Variants in MGAT5 observed in about 807,000 individuals in gnomAD.
The protein encoded by MGAT5 is alpha-1,6-mannosylglycoprotein 6-beta-N-acetylglucosaminyltransferase, also known as alpha-1,6-mannosylglycoprotein 6-beta-N-acetylglucosaminyltransferase A.
Under a neutral mutation model 94.3 loss-of-function variants are expected in MGAT5, and 30 were observed. That is an observed-to-expected ratio of 0.32 (90% CI 0.24 to 0.43). The LOEUF (loss-of-function observed/expected upper bound fraction) is 0.43, where lower values mean the gene tolerates loss of function less well. Among genes scored for constraint, MGAT5 ranks in the 20% least tolerant of loss-of-function variants. MGAT5 has a pLI of 1.00. For missense variants in MGAT5, 691 were observed against 905.5 expected, an observed-to-expected ratio of 0.76 and a Z score of 3.04; for synonymous variants, 310 against 322.9, an observed-to-expected ratio of 0.96 and a Z score of 0.43.
intron 2 of MGAT5, among the ~76,000 whole-genome samples, chr2:134,314,125 C>G (rs184260483): frequency 6.6e-6 from 1 of 152,174 alleles, no homozygotes; most frequent in Admixed American, 6.5e-5. Context: ...TATTCCCGGT[C>G]AGGTTTGGGA....
intron 10 of MGAT5, among the ~76,000 whole-genome samples, chr2:134,397,556 C>T (rs1212848929): frequency 6.6e-6 from 1 of 152,142 alleles, no homozygotes; most frequent in Admixed American, 6.5e-5. Context: ...TTGCCATCAA[C>T]CTTGGTTCAC....
At chr2:134,233,962 G>A (rs2105408519) in intron 1 of MGAT5, among the ~76,000 whole-genome samples, 1 of 152,310 alleles carries the variant, frequency 6.6e-6, no homozygotes, top group African/African-American at 2.4e-5. Context: ...GATTGCAAAG[G>A]CCAACTTCTT....
intron 1 of MGAT5, among the ~76,000 whole-genome samples, chr2:134,267,884 C>G (rs1683814408): frequency 6.6e-6 from 1 of 152,222 alleles, no homozygotes; most frequent in South Asian, 2.1e-4. Context: ...CATTTCCTAT[C>G]CTGTAACCTC....
Position 134,403,006 on chromosome 2 carries a change from G to A in MGAT5, c.1399G>A (p.Asp467Asn). The change falls in exon 11 of 16, where the codon GAC (aspartate) becomes AAC (asparagine). Residue 467 changes from aspartate (D) to asparagine (N), a missense_variant. Coordinates refer to ENST00000281923, the MANE Select transcript of MGAT5 (RefSeq NM_002410.5). Reference sequence around the variant, plus strand: ...TCTTTAGAATAAGAAGATCTACTTGGACATTATTCACACATACATGGAAGT... The same window carrying A: ...TCTTTAGAATAAGAAGATCTACTTGAACATTATTCACACATACATGGAAGT... ...SFWKNKKIYLDIIHTYMEVHA... is the reference protein window; with the variant it reads ...SFWKNKKIYLNIIHTYMEVHA... 6.3e-7 allele frequency: 1 copy of A among 1,596,338 alleles called. No individual in the cohort carries two copies. Among genetic ancestry groups the A allele is most frequent in the Non-Finnish European group, 8.5e-7 (1 of 1,175,334 alleles).
rs939445716 is a variant in MGAT5, at chr2:134,397,903, C to T, written c.1381-5085C>T. Among the ~76,000 whole-genome samples the T allele has an allele frequency of 6.6e-5, 10 of 152,174 alleles. No individual in the cohort carries two copies. In the East Asian group the frequency reaches 1.3e-3, roughly 20 times the overall value. On this transcript the variant is annotated intron_variant, in intron 10 of 15. Coordinates refer to ENST00000281923, the MANE Select transcript of MGAT5 (RefSeq NM_002410.5). ...CCAACCCCAACCTTTATAGGAGTTA[C>T]GTTACAGTAACAGTAAAGTACTCCC...
Position 134,453,349 on chromosome 2 carries a change from T to C in MGAT5, c.*4502T>C, listed in dbSNP as rs1400803144. On this transcript the variant is annotated 3_prime_UTR_variant, in exon 16 of 16. Coordinates refer to ENST00000281923, the MANE Select transcript of MGAT5 (RefSeq NM_002410.5). ...AACAAGGCTGCAAGAATTTATGAACTCCAGCTGGAAAAGGTAAAGGTGACC... is the reference window on the plus strand; with the variant it reads ...AACAAGGCTGCAAGAATTTATGAACCCCAGCTGGAAAAGGTAAAGGTGACC... 6.6e-6 allele frequency: 1 copy of C among 152,002 alleles called. No homozygotes were observed. The highest frequency in any genetic ancestry group is 1.5e-5 in the Non-Finnish European group (1 of 68,044). The allele number at this position is 152,002 out of a possible 1,614,324, so 9.4% of individuals were successfully genotyped here.
chr2:134,198,130 A>G (rs1167334487), intron 1 of MGAT5, among the ~76,000 whole-genome samples: 1 of 152,244 alleles, frequency 6.6e-6, no homozygotes, highest in African/African-American at 2.4e-5. Context: ...AAGCCTGTAT[A>G]GCCAAGAAGG....
chr2:134,269,502 C>T (rs1309889238), intron 1 of MGAT5, among the ~76,000 whole-genome samples: 2 of 152,164 alleles, frequency 1.3e-5, no homozygotes, highest in Non-Finnish European at 2.9e-5. Flanking sequence ...ATGCAGTCAC[C>T]CATCTGCTTT....
At chr2:134,247,369 AAAAAAC>A (rs1489480693) in intron 1 of MGAT5, among the ~76,000 whole-genome samples, 6 of 148,556 alleles carry the variant, frequency 4.0e-5, no homozygotes, top group Non-Finnish European at 7.4e-5. Context: ...TAAAAAAAAA[AAAAAAC>A]AAAAAAAAAA....
chr2:134,341,169 AT>A (rs913011888), intron 6 of MGAT5, among the ~76,000 whole-genome samples: 3 of 152,140 alleles, frequency 2.0e-5, no homozygotes, highest in African/African-American at 7.2e-5. Flanking sequence ...CTACACAGTA[AT>A]TACTTTGGCA....
At chr2:134,381,267 A>G (rs1242048978) in intron 10 of MGAT5, among the ~76,000 whole-genome samples, 1 of 151,924 alleles carries the variant, frequency 6.6e-6, no homozygotes, top group Non-Finnish European at 1.5e-5. Flanking sequence ...GTAGTTAGCC[A>G]TCATCATGTT....
chr2:134,227,924 C>G (rs935366667), intron 1 of MGAT5, among the ~76,000 whole-genome samples: 1 of 152,156 alleles, frequency 6.6e-6, no homozygotes, highest in Non-Finnish European at 1.5e-5. Context: ...AGGCTTTTCA[C>G]TCACCTGCCA....
chr2:134,317,470 T>TGTTA, intron 2 of MGAT5, 59 bp from the exon 3 acceptor site: 1 of 1,288,482 alleles, frequency 7.8e-7, no homozygotes, highest in Non-Finnish European at 1.1e-6. Context: ...CTTACAAGAA[T>TGTTA]GTTAGGCTTG....
At chr2:134,420,343 A>G (rs535532175) in intron 12 of MGAT5, among the ~76,000 whole-genome samples, 1 of 152,326 alleles carries the variant, frequency 6.6e-6, no homozygotes, top group African/African-American at 2.4e-5. Flanking sequence ...GTGGGCCTGC[A>G]GAGAGTCTGT....
At chr2:134,169,318 T>C (rs887453837) in intron 1 of MGAT5, among the ~76,000 whole-genome samples, 1 of 151,700 alleles carries the variant, frequency 6.6e-6, no homozygotes, top group South Asian at 2.1e-4. Flanking sequence ...GGCAGGAGGC[T>C]CACTTGAGCT....
Position 134,341,776 on chromosome 2 carries a change from T to G in MGAT5, c.977+17T>G, listed in dbSNP as rs772086647. 1.4e-5 allele frequency: 22 copies of G among 1,581,264 alleles called. No homozygotes were observed. The highest frequency in any genetic ancestry group is 1.9e-5 in the Non-Finnish European group (22 of 1,167,786). On this transcript the variant is annotated intron_variant, in intron 7 of 15. Coordinates refer to ENST00000281923, the MANE Select transcript of MGAT5 (RefSeq NM_002410.5). ...GCTCAAGGAGTAAGGAGATTACTTTTCAATTTTAAAATCAGAATACAAAAA... is the reference window on the plus strand; with the variant it reads ...GCTCAAGGAGTAAGGAGATTACTTTGCAATTTTAAAATCAGAATACAAAAA...
rs2106460809 is a variant in MGAT5 at position 134,452,572 on chromosome 2, G to GT, written c.*3726dup. On this transcript the variant is annotated 3_prime_UTR_variant, in exon 16 of 16. Transcript: ENST00000281923. ...ACTGAAACTGTATGTCTGTAGGTAG[G>GT]TGTGTGCCTTTTAGGGCAGACCACG... The GT allele has an allele frequency of 6.6e-6, 1 of 152,316 alleles. No individual in the cohort carries two copies. The highest frequency in any genetic ancestry group is 2.1e-4 in the South Asian group (1 of 4,828). 9.4% of individuals were successfully genotyped at this position (152,316 alleles called of 1,614,324 possible). A position where few individuals can be genotyped will look rare whatever the true frequency, so the allele number is the denominator to read the frequency against.
At chr2:134,297,486 T>C (rs1558769489) in intron 2 of MGAT5, among the ~76,000 whole-genome samples, 1 of 152,222 alleles carries the variant, frequency 6.6e-6, no homozygotes, top group East Asian at 1.9e-4. Context: ...CTGACACAAA[T>C]TCTTAAAATA....
chr2:134,417,805 C>G (rs1684066175), intron 12 of MGAT5, among the ~76,000 whole-genome samples: 1 of 152,048 alleles, frequency 6.6e-6, no homozygotes, highest in Admixed American at 6.6e-5. Flanking sequence ...TATAGTGTCA[C>G]ATACTATACA....
Sources: gnomAD v4.1 joint callset for allele counts (sites outside exome capture counted in the v4.1 genomes callset) on GRCh38, gnomAD v4.1.1 for gene constraint, MANE v1.5 for transcripts, NCBI Gene and HGNC (gene_info 2026-07-23, HGNC 2026-07-21) for gene names.